RTN3: variants seen among roughly 807,000 people sequenced by gnomAD.
RTN3 encodes reticulon-3.
A neutral mutation model predicts 77.8 loss-of-function variants in RTN3; 49 were observed. The observed-to-expected ratio is 0.63, with a 90% CI of 0.50 to 0.80. RTN3 has a LOEUF of 0.80. Among genes scored for constraint, RTN3 ranks in the 30% least tolerant of loss-of-function variants. The pLI is 0.00. For missense variants in RTN3, 1,236 were observed against 1,211.9 expected (o/e 1.02, Z -0.29); for synonymous variants, 464 against 446.9 (o/e 1.04, Z -0.48).
chr11:63,728,260 C>T (rs766461210), intron 3 of RTN3, among the ~76,000 whole-genome samples: 1 of 152,214 alleles, frequency 6.6e-6, no homozygotes, highest in South Asian at 2.1e-4. Flanking sequence ...GTGTCTAGCA[C>T]GGCATGCAGT....
At position 63,681,641 on chromosome 11, in the gene RTN3, C is replaced by T. The variant is rs751305965; in HGVS notation, c.5C>T (p.Ala2Val). M[A>V]EPSAATQSHS... ...CCCACCCTCGCTCGCGTAGCCATGG[C>T]GGAGCCGTCGGCGGCCACTCAGTCC... The change falls in exon 1 of 9, where the codon GCG (alanine) becomes GTG (valine). Residue 2 changes from alanine to valine, a missense_variant. By Grantham distance (64) the Ala-to-Val change is moderately conservative (BLOSUM62 0). Coordinates refer to ENST00000377819, the MANE Select transcript of RTN3 (RefSeq NM_001265589.2). The T allele has an allele frequency of 1.3e-5, 20 of 1,591,320 alleles. No homozygotes were observed. The highest frequency in any genetic ancestry group is 9.5e-5 in the African/African-American group (7 of 73,628).
intron 3 of RTN3, among the ~76,000 whole-genome samples, chr11:63,748,474 G>A (rs556344985): frequency 4.7e-5 from 7 of 150,364 alleles, no homozygotes; most frequent in South Asian, 2.1e-4. Context: ...TCAGCCTCCC[G>A]AGTAGCTGAG....
intron 1 of RTN3, among the ~76,000 whole-genome samples, chr11:63,700,210 A>C (rs1311164570): frequency 6.6e-6 from 1 of 151,794 alleles, no homozygotes; most frequent in Non-Finnish European, 1.5e-5. Flanking sequence ...GCAGAGATTT[A>C]ATGTTGATAG....
intron 1 of RTN3, among the ~76,000 whole-genome samples, chr11:63,688,003 G>A (rs1028646890): frequency 6.6e-6 from 1 of 152,138 alleles, no homozygotes; most frequent in Non-Finnish European, 1.5e-5. Flanking sequence ...AGAGGTAGAG[G>A]GAGGAGTCAA....
chr11:63,705,619 C>G (rs1180080064), intron 2 of RTN3, among the ~76,000 whole-genome samples: 1 of 152,222 alleles, frequency 6.6e-6, no homozygotes, highest in Non-Finnish European at 1.5e-5. Context: ...TGTGCTTCCA[C>G]TGAACTAGAA....
Position 63,681,665 on chromosome 11 carries a change from C to T in RTN3, c.29C>T (p.Ser10Phe), listed in dbSNP as rs769268946. 1.6e-5 allele frequency: 25 copies of T among 1,611,462 alleles called. No homozygotes were observed. Among genetic ancestry groups the T allele is most frequent in the Middle Eastern group, 1.7e-4 (1 of 6,054 alleles). MAEPSAATQ[S>F]HSISSSSFGA... ...GCGGAGCCGTCGGCGGCCACTCAGTCCCATTCCATCTCCTCGTCGTCCTTC... is the reference window on the plus strand; with the variant it reads ...GCGGAGCCGTCGGCGGCCACTCAGTTCCATTCCATCTCCTCGTCGTCCTTC... The change falls in exon 1 of 9, where the codon TCC becomes TTC. Residue 10 changes from serine (S) to phenylalanine (F), a missense_variant. Ser to Phe is a radical substitution (Grantham distance 155). This residue lies in a region of RTN3 where 1,056 missense variants were observed against 990.4 expected (regional missense o/e 1.07). Transcript: ENST00000377819.
At chr11:63,753,542 T>A in intron 6 of RTN3, 120 bp from the exon 7 acceptor site, 1 of 893,574 alleles carries the variant, frequency 1.1e-6, no homozygotes, top group South Asian at 1.8e-5. Context: ...GGATTTCTCA[T>A]TTTGAGGAAT....
chr11:63,687,702 T>C (rs921714703), intron 1 of RTN3, among the ~76,000 whole-genome samples: 3 of 152,080 alleles, frequency 2.0e-5, no homozygotes, highest in Admixed American at 6.6e-5. Flanking sequence ...AAATGAAATA[T>C]AGATCAACAA....
intron 3 of RTN3, among the ~76,000 whole-genome samples, chr11:63,722,931 A>G (rs1369674905): frequency 3.3e-5 from 5 of 152,350 alleles, no homozygotes; most frequent in Non-Finnish European, 4.4e-5. Context: ...AATAAGGCAT[A>G]TAGGAATTAT....
At chr11:63,746,898 G>T (rs1299579939) in intron 3 of RTN3, 1 of 446,180 alleles carries the variant, frequency 2.2e-6, no homozygotes, top group Non-Finnish European at 4.5e-6. Flanking sequence ...TTTAAATTTT[G>T]TCAGTTGTAC....
At chr11:63,724,813 T>G (rs1268617676) in intron 3 of RTN3, among the ~76,000 whole-genome samples, 2 of 152,044 alleles carry the variant, frequency 1.3e-5, no homozygotes, top group African/African-American at 4.8e-5. Flanking sequence ...TTTTTAAAAA[T>G]GTGCAAAAAT....
intron 2 of RTN3, among the ~76,000 whole-genome samples, chr11:63,710,854 G>A (rs980477909): frequency 6.6e-6 from 1 of 152,194 alleles, no homozygotes; most frequent in African/African-American, 2.4e-5. Context: ...AAGTTTGAGA[G>A]GGATTGTGAA....
intron 1 of RTN3, among the ~76,000 whole-genome samples, chr11:63,693,745 G>T (rs1941787996): frequency 6.6e-6 from 1 of 152,054 alleles, no homozygotes; most frequent in Admixed American, 6.6e-5. Context: ...ATTTCTTCTG[G>T]ACTGTAGGTA....
intron 3 of RTN3, among the ~76,000 whole-genome samples, chr11:63,741,931 G>T (rs756673806): frequency 4.6e-5 from 7 of 151,648 alleles, no homozygotes; most frequent in African/African-American, 7.3e-5. Context: ...TTTAAAATCA[G>T]GTCATGTTAA....
chr11:63,734,016 C>A (rs558656886), intron 3 of RTN3, among the ~76,000 whole-genome samples: 1 of 152,044 alleles, frequency 6.6e-6, no homozygotes, highest in African/African-American at 2.4e-5. Context: ...AAAAAAAGTT[C>A]GATATCCTTT....
At chr11:63,717,375 CTTTTTTTTTT>C (rs1187530525) in intron 2 of RTN3, among the ~76,000 whole-genome samples, 29 of 75,164 alleles carry the variant, frequency 3.9e-4, no homozygotes, top group South Asian at 1.7e-3. Context: ...TTAACTCTGT[CTTTTTTTTTT>C]TTTTTTTTTT....
intron 3 of RTN3, among the ~76,000 whole-genome samples, chr11:63,730,224 C>T (rs954190316): frequency 3.3e-5 from 5 of 152,156 alleles, no homozygotes; most frequent in Admixed American, 6.6e-5. Context: ...TCCTCGGCCT[C>T]CCAAAGTGCT....
intron 4 of RTN3, among the ~76,000 whole-genome samples, chr11:63,751,457 T>A (rs1368795429): frequency 6.6e-6 from 1 of 152,250 alleles, no homozygotes; most frequent in African/African-American, 2.4e-5. Flanking sequence ...TTTTTGATTG[T>A]GCTGTAACTT....
At chr11:63,738,024 T>C (rs140621291) in intron 3 of RTN3, among the ~76,000 whole-genome samples, 2 of 152,254 alleles carry the variant, frequency 1.3e-5, no homozygotes, top group East Asian at 3.9e-4. Flanking sequence ...TGGGCCTGAG[T>C]TTACAAACAC....
Sources: gnomAD v4.1 joint callset for allele counts (sites outside exome capture counted in the v4.1 genomes callset) on GRCh38, gnomAD v4.1.1 for gene constraint, gnomAD v4.1.1 regional missense constraint, MANE v1.5 for transcripts, NCBI Gene and HGNC (gene_info 2026-07-23, HGNC 2026-07-21) for gene names.